TMOD3: variants seen among roughly 807,000 people sequenced by gnomAD.
TMOD3 encodes tropomodulin-3.
A neutral mutation model predicts 39.2 loss-of-function variants in TMOD3; 20 were observed. The ratio of observed to expected loss-of-function variants is 0.51; its 90% CI spans 0.36 to 0.74. The LOEUF (loss-of-function observed/expected upper bound fraction) is 0.74, where lower values mean the gene tolerates loss of function less well. TMOD3 is among the 30% of genes least tolerant of loss of function. The pLI is 0.00. For synonymous variants in TMOD3, 143 were observed against 145.8 expected, an observed-to-expected ratio of 0.98 and a Z score of 0.14; for missense variants, 381 against 412.8, an observed-to-expected ratio of 0.92 and a Z score of 0.67.
At chr15:51,867,671 G>A (rs74013606) in intron 2 of TMOD3, among the ~76,000 whole-genome samples, 2,410 of 152,224 alleles carry the variant, frequency 0.016, 86 homozygotes, top group Admixed American at 0.075. Flanking sequence ...GAAATTCAGC[G>A]TCACTGCCAA....
At chr15:51,842,408 A>G (rs2554352) in intron 1 of TMOD3, among the ~76,000 whole-genome samples, 7,603 of 152,250 alleles carry the variant, frequency 0.05, 446 homozygotes, top group African/African-American at 0.13. Flanking sequence ...TACTTTTCCT[A>G]GCAAGCCCTC....
In TMOD3 at chr15:51,852,382, A is replaced by C. The variant is rs28536701; in HGVS notation, c.-74-10429A>C. Among the ~76,000 whole-genome samples the C allele has an allele frequency of 7.2e-5, 11 of 152,056 alleles. 1 individual carries two copies. Among genetic ancestry groups the C allele is most frequent in the Admixed American group, 7.2e-4 (11 of 15,252 alleles). ...GCCTCCAGCACCTGAAGTGGAGTTA[A>C]CCTGAGGCCTGGTGTCTCCTGAAGA... On this transcript the variant is annotated intron_variant, in intron 1 of 9. Coordinates refer to ENST00000308580, the MANE Select transcript of TMOD3 (RefSeq NM_014547.5).
intron 1 of TMOD3, chr15:51,834,901 T>A (rs190730618): frequency 6.6e-6 from 1 of 152,324 alleles, no homozygotes; most frequent in Non-Finnish European, 1.5e-5. Flanking sequence ...GCGTGTCAGC[T>A]GAGCTACTTT....
chr15:51,840,787 C>T (rs997270476), intron 1 of TMOD3, among the ~76,000 whole-genome samples: 1 of 152,136 alleles, frequency 6.6e-6, no homozygotes, highest in African/African-American at 2.4e-5. Flanking sequence ...AGATTGTTGA[C>T]GTTTATAGGC....
At chr15:51,908,146 G>C (rs1156387689) in intron 9 of TMOD3, among the ~76,000 whole-genome samples, 3 of 152,208 alleles carry the variant, frequency 2.0e-5, no homozygotes, top group Non-Finnish European at 2.9e-5. Context: ...ATACATTGTA[G>C]TGTCTAATCA....
intron 1 of TMOD3, among the ~76,000 whole-genome samples, chr15:51,837,516 A>G (rs2056292587): frequency 6.6e-6 from 1 of 151,602 alleles, no homozygotes; most frequent in African/African-American, 2.4e-5. Flanking sequence ...AGCAATAAAT[A>G]TGTGATGATT....
At chr15:51,870,377 T>A (rs2056469026) in intron 3 of TMOD3, among the ~76,000 whole-genome samples, 1 of 152,240 alleles carries the variant, frequency 6.6e-6, no homozygotes, top group African/African-American at 2.4e-5. Flanking sequence ...GAATACTGTG[T>A]ATAGAATACT....
chr15:51,842,784 G>T (rs764486341), intron 1 of TMOD3, among the ~76,000 whole-genome samples: 1 of 152,122 alleles, frequency 6.6e-6, no homozygotes, highest in African/African-American at 2.4e-5. Context: ...CCTCCCTCAT[G>T]AAGTACAAAA....
chr15:51,886,607 A>G (rs540034674), intron 3 of TMOD3, among the ~76,000 whole-genome samples: 1 of 152,244 alleles, frequency 6.6e-6, no homozygotes, highest in South Asian at 2.1e-4. Flanking sequence ...GTGAGCCGAG[A>G]TGGCAGCAGT....
chr15:51,865,638 G>A (rs2554331), intron 2 of TMOD3, among the ~76,000 whole-genome samples: 4,299 of 152,202 alleles, frequency 0.028, 198 homozygotes, highest in African/African-American at 0.099. Flanking sequence ...TTGAGGCTAG[G>A]AGAACAGTGA....
At chr15:51,859,395 G>C (rs2056404963) in intron 1 of TMOD3, 1 of 684,616 alleles carries the variant, frequency 1.5e-6, no homozygotes, top group Non-Finnish European at 2.8e-6. Context: ...TTCTCTTAAT[G>C]TTCACCATCT....
intron 9 of TMOD3, among the ~76,000 whole-genome samples, chr15:51,907,784 T>G (rs980220453): frequency 6.6e-6 from 1 of 152,158 alleles, no homozygotes; most frequent in African/African-American, 2.4e-5. Flanking sequence ...GGTAGCAAGA[T>G]CTGAAGTTGA....
intron 3 of TMOD3, among the ~76,000 whole-genome samples, chr15:51,881,108 T>C (rs373546125): frequency 1.3e-5 from 2 of 152,210 alleles, no homozygotes; most frequent in African/African-American, 4.8e-5. Context: ...TGTATATTTG[T>C]TTGCTTTTTG....
chr15:51,879,269 T>C (rs1320602346), intron 3 of TMOD3, among the ~76,000 whole-genome samples: 3 of 152,166 alleles, frequency 2.0e-5, no homozygotes, highest in African/African-American at 7.2e-5. Context: ...GTTTCAACGC[T>C]CTTAGCAACC....
At chr15:51,833,828 A>G (rs1205293399) in intron 1 of TMOD3, among the ~76,000 whole-genome samples, 1 of 152,226 alleles carries the variant, frequency 6.6e-6, no homozygotes, top group Non-Finnish European at 1.5e-5. Context: ...CTAGGAGCAG[A>G]GTTACTGAGT....
intron 9 of TMOD3, among the ~76,000 whole-genome samples, chr15:51,905,950 C>CA (rs869172248): frequency 0.016 from 1,027 of 64,676 alleles, 131 homozygotes; most frequent in African/African-American, 0.019. Flanking sequence ...GACTCCGTCT[C>CA]AAAAAAAAAA....
intron 1 of TMOD3, among the ~76,000 whole-genome samples, chr15:51,852,077 C>T (rs1298802493): frequency 6.6e-6 from 1 of 152,114 alleles, no homozygotes; most frequent in Non-Finnish European, 1.5e-5. Flanking sequence ...TGGTTTTTGT[C>T]TGTATGCCAC....
chr15:51,898,529 G>A (rs1055794305), intron 7 of TMOD3, among the ~76,000 whole-genome samples: 1 of 152,120 alleles, frequency 6.6e-6, no homozygotes, highest in African/African-American at 2.4e-5. Context: ...TTTTATCTCT[G>A]AATCTCTAGG....
chr15:51,853,233 ACT>A (rs2141677091), intron 1 of TMOD3, among the ~76,000 whole-genome samples: 1 of 152,242 alleles, frequency 6.6e-6, no homozygotes, highest in East Asian at 1.9e-4. Context: ...ACAGAGTCTC[ACT>A]CTGTCACCCA....
Sources: gnomAD v4.1 joint callset for allele counts (sites outside exome capture counted in the v4.1 genomes callset) on GRCh38, gnomAD v4.1.1 for gene constraint, MANE v1.5 for transcripts, NCBI Gene and HGNC (gene_info 2026-07-23, HGNC 2026-07-21) for gene names.